Variants in LDHA observed in about 807,000 individuals in gnomAD.
LDHA encodes L-lactate dehydrogenase A chain.
LDHA carries 10 observed loss-of-function variants against 36.3 expected under a neutral mutation model. The observed-to-expected ratio is 0.28, with a 90% CI of 0.17 to 0.47. The LOEUF (loss-of-function observed/expected upper bound fraction) is 0.47, where lower values mean the gene tolerates loss of function less well. Ranked by LOEUF, LDHA falls within the 20% of genes least tolerant of loss-of-function variation. The pLI is 0.99. For missense variants in LDHA, 267 were observed against 405.8 expected (o/e 0.66, Z 2.94); for synonymous variants, 110 against 136.7 (o/e 0.80, Z 1.36).
At chr11:18,396,163 G>T (rs547252181) in intron 1 of LDHA, 1 of 189,140 alleles carries the variant, frequency 5.3e-6, no homozygotes, top group African/African-American at 2.3e-5. Context: ...CCCGATGCCC[G>T]CTTCCCAACG....
chr11:18,402,116 C>T (rs1217655165), intron 4 of LDHA, among the ~76,000 whole-genome samples: 4 of 151,498 alleles, frequency 2.6e-5, no homozygotes, highest in Admixed American at 6.6e-5. Context: ...CCACCATGCT[C>T]GGCTAATTTT....
chr11:18,405,021 A>AGCTATCC (rs1353601960), intron 6 of LDHA, among the ~76,000 whole-genome samples: 1 of 152,150 alleles, frequency 6.6e-6, no homozygotes, highest in East Asian at 1.9e-4. Context: ...TCTTTCCCCC[A>AGCTATCC]GCTATCCCTC....
intron 7 of LDHA, among the ~76,000 whole-genome samples, chr11:18,406,148 T>C (rs1866674503): frequency 6.6e-6 from 1 of 152,116 alleles, no homozygotes; most frequent in South Asian, 2.1e-4. Flanking sequence ...GTATTTTTAG[T>C]AGAGATGGAG....
Position 18,401,351 on chromosome 11 carries a change from A to G in LDHA, c.418+341A>G, listed in dbSNP as rs542249170. ...TTTTTAGTAGAGACAGGGTTTCACC[A>G]TGTTGGCCAGGCTGGTTTTGAACTC... On this transcript the variant is annotated intron_variant, in intron 4 of 7. Coordinates refer to ENST00000422447, the MANE Select transcript of LDHA (RefSeq NM_005566.4). Among the ~76,000 whole-genome samples the G allele has an allele frequency of 4.7e-5, 7 of 150,406 alleles. No individual in the cohort carries two copies. The East Asian group carries it at 1.4e-3, about 29-fold the overall frequency.
intron 1 of LDHA, among the ~76,000 whole-genome samples, chr11:18,395,626 G>A (rs1866267341): frequency 6.6e-6 from 1 of 152,194 alleles, no homozygotes; most frequent in South Asian, 2.1e-4. Flanking sequence ...ACTCTGGGCT[G>A]ACTGCCTGCC....
intron 1 of LDHA, chr11:18,396,248 C>T (rs1866295011): frequency 6.1e-6 from 2 of 327,858 alleles, no homozygotes; most frequent in East Asian, 4.6e-5. Flanking sequence ...AGTTCCTGGG[C>T]CCGCCCATCT....
Position 18,400,976 on chromosome 11 carries a change from C to G in LDHA, c.384C>G (p.Ser128Arg), listed in dbSNP as rs1404465820. 1 of 1,613,130 alleles carries G rather than the reference C, an allele frequency of 6.2e-7. No individual in the cohort carries two copies. ...TCATTCCTAATGTTGTAAAATACAG[C>G]CCGAACTGCAAGTTGCTTATTGTTT... ...KFIIPNVVKY[S>R]PNCKLLIVSN... Residue 128 changes from serine (S) to arginine (R), a missense_variant, in exon 4 of 8, where the codon AGC (serine) becomes AGG (arginine). By Grantham distance (110) the Ser-to-Arg change is moderately radical. Coordinates refer to ENST00000422447, the MANE Select transcript of LDHA (RefSeq NM_005566.4).
At chr11:18,399,940 G>T (rs565286637) in intron 3 of LDHA, 1 of 194,010 alleles carries the variant, frequency 5.2e-6, no homozygotes, top group South Asian at 9.2e-5. Context: ...GCTCTTTAAA[G>T]ATTTTGTTTT....
intron 1 of LDHA, 111 bp downstream of exon 1, chr11:18,394,747 T>C: frequency 2.3e-6 from 1 of 437,858 alleles, no homozygotes; most frequent in Non-Finnish European, 4.6e-6. Flanking sequence ...TCCCGGGAGG[T>C]GTAGGAGCCG....
In LDHA at chr11:18,407,382, T is replaced by C. The variant is rs201713804; in HGVS notation, c.*101T>C. 5.0e-6 allele frequency: 8 copies of C among 1,598,066 alleles called. No individual in the cohort carries two copies. Among genetic ancestry groups the C allele is most frequent in the Non-Finnish European group, 6.8e-6 (8 of 1,172,144 alleles). On this transcript the variant is annotated 3_prime_UTR_variant, in exon 8 of 8. Coordinates refer to ENST00000422447, the MANE Select transcript of LDHA (RefSeq NM_005566.4). ...TTTATCTGATCTGTGATTAAAGCAG[T>C]AATATTTTAAGATGGACTGGGAAAA...
chr11:18,399,538 C>T lies in LDHA; in HGVS notation c.234C>T (p.Val78=). 1 of 1,596,898 alleles carries T rather than the reference C, an allele frequency of 6.3e-7. No homozygotes were observed. The highest frequency in any genetic ancestry group is 1.1e-5 in the South Asian group (1 of 90,706). ...GSLFLRTPKI[V]SGKDYNVTAN... ...TTTTCCTTAGAACACCAAAGATTGT[C>T]TCTGGCAAAGGTTGATTTCAACAAG... is the stretch of plus-strand genomic sequence containing the variant. The change falls in exon 3 of 8, where the codon GTC becomes GTT. Residue 78 remains valine (V), a synonymous_variant. Coordinates refer to ENST00000422447, the MANE Select transcript of LDHA (RefSeq NM_005566.4).
chr11:18,407,820 AAAACCCCCAAT>A lies in LDHA; in HGVS notation c.*545_*555del. On this transcript the variant is annotated 3_prime_UTR_variant, in exon 8 of 8. Coordinates refer to ENST00000422447, the MANE Select transcript of LDHA (RefSeq NM_005566.4). ...CAACTATCCAAGTGTTATACCAACT[AAAACCCCCAAT>A]AAACCTTGAACAGTGACTACTTTGG... 1 of 454,898 alleles carries A rather than the reference AAAACCCCCAAT, an allele frequency of 2.2e-6. No individual in the cohort carries two copies. The highest frequency in any genetic ancestry group is 1.6e-5 in the South Asian group (1 of 64,472). 28.2% of individuals were successfully genotyped at this position (454,898 alleles called of 1,614,324 possible). A position where few individuals can be genotyped will look rare whatever the true frequency, so the allele number is the denominator to read the frequency against.
chr11:18,400,859 C>T lies in LDHA; in HGVS notation c.267C>T (p.Ser89=), dbSNP rs1416554860. The T allele has an allele frequency of 6.2e-7, 1 of 1,613,478 alleles. No individual in the cohort carries two copies. ...TAGACTATAATGTAACTGCAAACTCCAAGCTGGTCATTATCACGGCTGGGG... is the reference window on the plus strand; with the variant it reads ...TAGACTATAATGTAACTGCAAACTCTAAGCTGGTCATTATCACGGCTGGGG... ...SGKDYNVTAN[S]KLVIITAGAR... The change falls in exon 4 of 8, where the codon TCC becomes TCT. Residue 89 remains serine (S), a synonymous_variant. Transcript: ENST00000422447.
intron 1 of LDHA, chr11:18,396,511 A>T: frequency 8.2e-7 from 1 of 1,215,696 alleles, no homozygotes; most frequent in Non-Finnish European, 1.1e-6. Context: ...ATCTTGTCTG[A>T]GGAAAGGCCA....
chr11:18,406,127 G>A (rs548075959), intron 7 of LDHA, among the ~76,000 whole-genome samples: 24 of 152,140 alleles, frequency 1.6e-4, no homozygotes, highest in Middle Eastern at 3.4e-3. Flanking sequence ...CACCACGCCC[G>A]GCTACTTTTT....
chr11:18,402,509 G>T, intron 4 of LDHA: 1 of 316,870 alleles, frequency 3.2e-6, no homozygotes, highest in Non-Finnish European at 6.1e-6. Flanking sequence ...TGTTGCCCAG[G>T]CTGGTCTTGA....
At position 18,400,842 on chromosome 11, in the gene LDHA, A is replaced by G. The variant is rs913688115; in HGVS notation, c.250A>G (p.Asn84Asp). The change falls in exon 4 of 8, where the codon AAT becomes GAT. Residue 84 changes from asparagine (N) to aspartate (D), a missense_variant. By Grantham distance (23) the Asn-to-Asp change is conservative. Transcript: ENST00000422447. ...ATTATTCCCCTTTTCTCTAGACTAT[A>G]ATGTAACTGCAAACTCCAAGCTGGT... ...TPKIVSGKDY[N>D]VTANSKLVII... 2 of 1,612,836 alleles carry G rather than the reference A, an allele frequency of 1.2e-6. No homozygotes were observed. Among genetic ancestry groups the G allele is most frequent in the Non-Finnish European group, 1.7e-6 (2 of 1,179,156 alleles).
chr11:18,405,729 C>T, intron 7 of LDHA, 157 bp downstream of exon 7: 3 of 786,026 alleles, frequency 3.8e-6, no homozygotes, highest in Non-Finnish European at 6.3e-6. Flanking sequence ...AATGGTTGAG[C>T]TTTAGGATTA....
rs536024861 is a variant in LDHA, at chr11:18,398,414, A to G, written c.127-1017A>G. On this transcript the variant is annotated intron_variant, in intron 2 of 7. Transcript: ENST00000422447. ...ACTTTTTAAGTTTTTTTTTTTTGAGACGGAATCTCGCTTTGTTGCCCTGGC... is the reference window on the plus strand; with the variant it reads ...ACTTTTTAAGTTTTTTTTTTTTGAGGCGGAATCTCGCTTTGTTGCCCTGGC... 9.3e-5 allele frequency among the ~76,000 whole-genome samples: 14 copies of G among 149,928 alleles called. No individual in the cohort carries two copies. The South Asian group carries it at 2.9e-3, about 31-fold the overall frequency.
Sources: allele counts gnomAD v4.1 joint callset (sites outside exome capture counted in the v4.1 genomes callset), GRCh38; gene constraint gnomAD v4.1.1; transcripts MANE v1.5; gene names NCBI Gene and HGNC (gene_info 2026-07-23, HGNC 2026-07-21).